ALCAM: variants seen among roughly 807,000 people sequenced by gnomAD.
The protein encoded by ALCAM is activated leukocyte cell adhesion molecule, also known as CD166 antigen.
In ALCAM, 30 loss-of-function variants were observed where a neutral mutation model predicts 70.9. That is an observed-to-expected ratio of 0.42 (90% CI 0.32 to 0.57). The LOEUF is 0.57. Among genes scored for constraint, ALCAM ranks in the 20% least tolerant of loss-of-function variants. The pLI, the probability that ALCAM is intolerant of heterozygous loss-of-function variation, is 0.11. For missense variants in ALCAM, 591 were observed against 695.1 expected (o/e 0.85, Z 1.68); for synonymous variants, 249 against 242.5 (o/e 1.03, Z -0.25).
At chr3:105,450,886 AG>A (rs1186294637) in intron 1 of ALCAM, among the ~76,000 whole-genome samples, 3 of 152,136 alleles carry the variant, frequency 2.0e-5, no homozygotes, top group Non-Finnish European at 4.4e-5. Flanking sequence ...GTATATTTGG[AG>A]AAAAAAAATA....
intron 7 of ALCAM, among the ~76,000 whole-genome samples, chr3:105,540,460 A>G (rs1052354645): frequency 6.6e-6 from 1 of 152,026 alleles, no homozygotes; most frequent in African/African-American, 2.4e-5. Flanking sequence ...TGCCCACAAC[A>G]TTGCCCCGAA....
intron 7 of ALCAM, among the ~76,000 whole-genome samples, chr3:105,541,163 T>C (rs1940105437): frequency 6.6e-6 from 1 of 151,712 alleles, no homozygotes; most frequent in Non-Finnish European, 1.5e-5. Flanking sequence ...TCTCTCTTCC[T>C]TTCCCCTTTC....
At chr3:105,554,694 A>G (rs1473758459) in intron 14 of ALCAM, among the ~76,000 whole-genome samples, 1 of 151,996 alleles carries the variant, frequency 6.6e-6, no homozygotes, top group African/African-American at 2.4e-5. Context: ...GTGCTATGTA[A>G]GTGAAAGGAA....
At chr3:105,446,789 C>G (rs1559794358) in intron 1 of ALCAM, among the ~76,000 whole-genome samples, 1 of 152,022 alleles carries the variant, frequency 6.6e-6, no homozygotes, top group Non-Finnish European at 1.5e-5. Flanking sequence ...TCTCACTTAC[C>G]TGTAGAATCT....
At chr3:105,491,366 C>A (rs1576198541) in intron 1 of ALCAM, among the ~76,000 whole-genome samples, 1 of 152,186 alleles carries the variant, frequency 6.6e-6, no homozygotes, top group Non-Finnish European at 1.5e-5. Context: ...ATTGTCCTGG[C>A]AATTAACATT....
intron 1 of ALCAM, among the ~76,000 whole-genome samples, chr3:105,378,822 A>C (rs1487147956): frequency 6.6e-6 from 1 of 151,940 alleles, no homozygotes; most frequent in Non-Finnish European, 1.5e-5. Context: ...GTAGGGTTTC[A>C]GGGTATGGTT....
intron 1 of ALCAM, among the ~76,000 whole-genome samples, chr3:105,458,301 T>C (rs981418839): frequency 4.6e-5 from 7 of 152,222 alleles, no homozygotes; most frequent in African/African-American, 1.7e-4. Context: ...AGTGATTCTA[T>C]GTTGCTTCTT....
intron 1 of ALCAM, among the ~76,000 whole-genome samples, chr3:105,425,536 C>T (rs182847181): frequency 5.6e-4 from 85 of 151,856 alleles, no homozygotes; most frequent in African/African-American, 1.7e-3. Flanking sequence ...ATAGATTGCA[C>T]TGTAAAAATC....
chr3:105,482,983 C>A (rs1416795417), intron 1 of ALCAM, among the ~76,000 whole-genome samples: 2 of 152,072 alleles, frequency 1.3e-5, no homozygotes, highest in Non-Finnish European at 2.9e-5. Flanking sequence ...CCTTTGTCCC[C>A]AGCCAATTTC....
intron 6 of ALCAM, among the ~76,000 whole-genome samples, chr3:105,535,828 AT>A (rs1272826139): frequency 6.6e-6 from 1 of 152,044 alleles, no homozygotes; most frequent in African/African-American, 2.4e-5. Flanking sequence ...TTCTACATCT[AT>A]TTTAGAGAAA....
At chr3:105,379,825 A>G (rs1461951137) in intron 1 of ALCAM, among the ~76,000 whole-genome samples, 1 of 151,770 alleles carries the variant, frequency 6.6e-6, no homozygotes, top group Non-Finnish European at 1.5e-5. Flanking sequence ...AGTGAATAGT[A>G]TCCTCTTTCT....
chr3:105,454,056 A>C (rs1937497366), intron 1 of ALCAM, among the ~76,000 whole-genome samples: 1 of 152,168 alleles, frequency 6.6e-6, no homozygotes, highest in Non-Finnish European at 1.5e-5. Flanking sequence ...CAGATGAGAA[A>C]ATTGAGGCCC....
At chr3:105,564,534 C>T (rs1164632873) in intron 14 of ALCAM, among the ~76,000 whole-genome samples, 1 of 152,210 alleles carries the variant, frequency 6.6e-6, no homozygotes, top group East Asian at 1.9e-4. Flanking sequence ...GAGTGCATGT[C>T]TACCGCCAGT....
At position 105,524,493 on chromosome 3, in the gene ALCAM, A is replaced by G. The variant is rs1461252582; in HGVS notation, c.379A>G (p.Ile127Val). Residue 127 changes from isoleucine to valine, a missense_variant, in exon 3 of 16, where the codon ATA becomes GTA. Physicochemically the swap from Ile to Val is conservative, Grantham distance 29. Around this residue, in one of 2 missense-constraint regions of ALCAM, gnomAD observed 427 missense variants for 450.4 expected, o/e 0.95. Coordinates refer to ENST00000306107, the MANE Select transcript of ALCAM (RefSeq NM_001627.4). ...TEDNVFEAPTIVKVFKQPSKP... is the reference protein window; with the variant it reads ...TEDNVFEAPTVVKVFKQPSKP... ...GGACAACGTGTTTGAGGCACCTACA[A>G]TAGTCAAGGTGTTCAGTAAGTAGTC... 1 of 1,614,088 alleles carries G rather than the reference A, an allele frequency of 6.2e-7. No individual in the cohort carries two copies. Among genetic ancestry groups the G allele is most frequent in the Non-Finnish European group, 8.5e-7 (1 of 1,179,950 alleles).
chr3:105,558,574 C>T (rs1576241261), intron 14 of ALCAM, among the ~76,000 whole-genome samples: 1 of 152,090 alleles, frequency 6.6e-6, no homozygotes, highest in African/African-American at 2.4e-5. Context: ...GTCCCCTACC[C>T]CTTTTGAGAT....
intron 1 of ALCAM, among the ~76,000 whole-genome samples, chr3:105,419,879 A>G (rs1936600638): frequency 6.6e-6 from 1 of 151,822 alleles, no homozygotes; most frequent in South Asian, 2.1e-4. Context: ...GTCAAATAAT[A>G]AACATATAAT....
At chr3:105,474,954 A>T (rs1938061070) in intron 1 of ALCAM, among the ~76,000 whole-genome samples, 1 of 151,864 alleles carries the variant, frequency 6.6e-6, no homozygotes, top group African/African-American at 2.4e-5. Context: ...CAAACAACAA[A>T]AAAAATCATC....
In ALCAM at chr3:105,541,671, A is replaced by G. The variant is rs558118117; in HGVS notation, c.897A>G (p.Thr299=). 1.2e-6 allele frequency: 2 copies of G among 1,612,118 alleles called. No homozygotes were observed. Among genetic ancestry groups the G allele is most frequent in the Admixed American group, 1.7e-5 (1 of 59,816 alleles). Residue 299 remains threonine (T), a synonymous_variant, in exon 8 of 16, where the codon ACA becomes ACG. Coordinates refer to ENST00000306107, the MANE Select transcript of ALCAM (RefSeq NM_001627.4). The part of the protein sequence containing the change: ...PEGIRSSNTY[T]LTDVRRNATG... Reference sequence around the variant, plus strand: ...GAATAAGAAGCTCAAATACTTACACACTGACGGATGTGAGGCGCAATGCAA... The same window carrying G: ...GAATAAGAAGCTCAAATACTTACACGCTGACGGATGTGAGGCGCAATGCAA...
chr3:105,410,182 C>T (rs1936350515), intron 1 of ALCAM, among the ~76,000 whole-genome samples: 1 of 151,998 alleles, frequency 6.6e-6, no homozygotes, highest in South Asian at 2.1e-4. Context: ...TCTTTTGATG[C>T]TGTAACAGAA....
Sources: allele counts gnomAD v4.1 joint callset (sites outside exome capture counted in the v4.1 genomes callset), GRCh38; gene constraint gnomAD v4.1.1; regional missense constraint gnomAD v4.1.1; transcripts MANE v1.5; gene names NCBI Gene and HGNC (gene_info 2026-07-23, HGNC 2026-07-21).